Variants in MYRFL observed in about 807,000 individuals in gnomAD.
MYRFL encodes the protein myelin regulatory factor like.
In MYRFL, 88 loss-of-function variants were observed where a neutral mutation model predicts 109.4. The observed-to-expected ratio is 0.80, with a 90% confidence interval of 0.68 to 0.96. The LOEUF is 0.96. Ranked by LOEUF, MYRFL falls within the 40% of genes least tolerant of loss-of-function variation. The pLI is 0.00. For missense variants in MYRFL, 957 were observed against 954.9 expected, an observed-to-expected ratio of 1.00 and a Z score of -0.03; for synonymous variants, 324 against 320.9, an observed-to-expected ratio of 1.01 and a Z score of -0.10.
intron 19 of MYRFL, among the ~76,000 whole-genome samples, chr12:69,945,984 C>A (rs1375105065): frequency 2.3e-4 from 2 of 8,782 alleles, no homozygotes; most frequent in African/African-American, 3.5e-4. Flanking sequence ...GAGACTCCGT[C>A]TCAAAAAAAA....
chr12:69,880,400 G>T, intron 5 of MYRFL, 108 bp downstream of exon 5: 1 of 606,228 alleles, frequency 1.6e-6, no homozygotes. Context: ...CCCTCTCACA[G>T]AAGAGCAATG....
At chr12:69,940,681 C>A (rs867914920) in intron 19 of MYRFL, among the ~76,000 whole-genome samples, 3 of 151,656 alleles carry the variant, frequency 2.0e-5, no homozygotes, top group Non-Finnish European at 4.4e-5. Flanking sequence ...TCATACATAA[C>A]ACTATTAACT....
chr12:69,845,181 G>C (rs1336502874), intron 1 of MYRFL, among the ~76,000 whole-genome samples: 1 of 152,062 alleles, frequency 6.6e-6, no homozygotes, highest in East Asian at 1.9e-4. Flanking sequence ...CCTTTTATTT[G>C]TTATTTTTTA....
At chr12:69,878,584 G>A (rs1022174593) in intron 2 of MYRFL, among the ~76,000 whole-genome samples, 2 of 152,020 alleles carry the variant, frequency 1.3e-5, no homozygotes, top group African/African-American at 4.8e-5. Flanking sequence ...AGTGCCATTG[G>A]GATATCTGTC....
chr12:69,874,578 A>G (rs1171710685), intron 2 of MYRFL, among the ~76,000 whole-genome samples: 1 of 152,228 alleles, frequency 6.6e-6, no homozygotes, highest in African/African-American at 2.4e-5. Context: ...ATTTCCATCT[A>G]GAACCATTTC....
At chr12:69,832,131 G>C (rs1245430410) in intron 1 of MYRFL, among the ~76,000 whole-genome samples, 1 of 152,128 alleles carries the variant, frequency 6.6e-6, no homozygotes, top group South Asian at 2.1e-4. Context: ...TTTCAGCAAC[G>C]ATTAGATATA....
chr12:69,875,896 T>C (rs905271578), intron 2 of MYRFL, among the ~76,000 whole-genome samples: 1 of 152,208 alleles, frequency 6.6e-6, no homozygotes, highest in African/African-American at 2.4e-5. Context: ...GGCTGGATTC[T>C]TTTACATCCC....
At chr12:69,908,097 A>G (rs1241628889) in intron 11 of MYRFL, among the ~76,000 whole-genome samples, 1 of 151,970 alleles carries the variant, frequency 6.6e-6, no homozygotes, top group East Asian at 1.9e-4. Flanking sequence ...TCTTAGTCTC[A>G]TCCTTCCCCC....
chr12:69,891,604 TC>T (rs869116928), intron 7 of MYRFL, among the ~76,000 whole-genome samples: 1 of 39,438 alleles, frequency 2.5e-5, no homozygotes, highest in South Asian at 9.4e-4. Context: ...TTTCTTTCTT[TC>T]TCTTTCTTTC....
At chr12:69,905,448 C>A (rs1368648937) in intron 11 of MYRFL, among the ~76,000 whole-genome samples, 1 of 152,168 alleles carries the variant, frequency 6.6e-6, no homozygotes, top group Admixed American at 6.5e-5. Flanking sequence ...ATTTCTGTAT[C>A]CCCTTCCTGC....
chr12:69,835,097 C>T (rs1427050554), intron 1 of MYRFL, among the ~76,000 whole-genome samples: 2 of 152,066 alleles, frequency 1.3e-5, no homozygotes, highest in East Asian at 3.8e-4. Flanking sequence ...TAACTTTTTT[C>T]AGTTTACCTA....
intron 6 of MYRFL, among the ~76,000 whole-genome samples, chr12:69,890,714 G>A (rs1005259844): frequency 6.6e-6 from 1 of 152,196 alleles, no homozygotes; most frequent in African/African-American, 2.4e-5. Flanking sequence ...CAGCTTAGGG[G>A]ACAGAGCAAG....
At chr12:69,943,477 C>G (rs1201705070) in intron 19 of MYRFL, among the ~76,000 whole-genome samples, 1 of 147,696 alleles carries the variant, frequency 6.8e-6, no homozygotes, top group East Asian at 2.0e-4. Context: ...ACTGGCTAGC[C>G]ATATGTAGAA....
At position 69,895,388 on chromosome 12, in the gene MYRFL, A is replaced by G. The variant is rs1311594649; in HGVS notation, c.998A>G (p.Asp333Gly). Residue 333 changes from aspartate (D) to glycine (G), a missense_variant, in exon 9 of 25, where the codon GAC becomes GGC. Transcript: ENST00000552032. Reference sequence around the variant, plus strand: ...TGTTTTAGAATTGACCTACTGGCTGACCAGGTCACCAAAGTAACACTGGGA... The same window carrying G: ...TGTTTTAGAATTGACCTACTGGCTGGCCAGGTCACCAAAGTAACACTGGGA... ...FNPVKIDLLA[D>G]QVTKVTLGRL... The G allele has an allele frequency of 6.5e-7, 1 of 1,534,580 alleles. No individual in the cohort carries two copies. Among genetic ancestry groups the G allele is most frequent in the Non-Finnish European group, 8.7e-7 (1 of 1,146,088 alleles).
chr12:69,827,367 G>A (rs1056876612), intron 1 of MYRFL, among the ~76,000 whole-genome samples: 2 of 151,280 alleles, frequency 1.3e-5, no homozygotes, highest in Non-Finnish European at 2.9e-5. Context: ...ACTTCCAAAC[G>A]TGACTAAATC....
intron 7 of MYRFL, among the ~76,000 whole-genome samples, chr12:69,892,384 A>G (rs2136339747): frequency 6.6e-6 from 1 of 152,134 alleles, no homozygotes; most frequent in South Asian, 2.1e-4. Context: ...AGAAGCATTC[A>G]TTATCTGCCT....
intron 2 of MYRFL, among the ~76,000 whole-genome samples, chr12:69,858,177 A>G (rs545858386): frequency 2.4e-4 from 36 of 151,708 alleles, no homozygotes; most frequent in Non-Finnish European, 2.1e-4. Flanking sequence ...TGATTATTGA[A>G]CTGCCTTGTA....
chr12:69,931,450 G>T (rs1186381603), intron 15 of MYRFL, among the ~76,000 whole-genome samples: 1 of 152,088 alleles, frequency 6.6e-6, no homozygotes, highest in East Asian at 1.9e-4. Context: ...GGTAAAAATG[G>T]TATAGTGAAT....
intron 19 of MYRFL, among the ~76,000 whole-genome samples, chr12:69,939,456 C>T (rs866813004): frequency 0.033 from 5,051 of 151,382 alleles, 237 homozygotes; most frequent in African/African-American, 0.12. Context: ...CGGCAGGGTA[C>T]TCCAACAGAC....
Sources: allele counts gnomAD v4.1 joint callset (sites outside exome capture counted in the v4.1 genomes callset), GRCh38; gene constraint gnomAD v4.1.1; transcripts MANE v1.5; gene names NCBI Gene and HGNC (gene_info 2026-07-23, HGNC 2026-07-21).